Variants in MXD3 observed in about 807,000 individuals in gnomAD.
MXD3 encodes MAX dimerization protein 3.
Under a neutral mutation model 27.5 loss-of-function variants are expected in MXD3, and 20 were observed. That is an observed-to-expected ratio of 0.73 (90% CI 0.51 to 1.06). The LOEUF is 1.06. MXD3 is among the 50% of genes least tolerant of loss of function. The pLI is 0.00. For synonymous variants in MXD3, 150 were observed against 130.7 expected (o/e 1.15, Z -1.01); for missense variants, 298 against 291.3 (o/e 1.02, Z -0.17).
rs145908239 is a variant in MXD3 at position 177,311,821 on chromosome 5, A to C, written c.10T>G (p.Leu4Val). Residue 4 changes from leucine to valine, a missense_variant, in exon 1 of 6, where the codon TTG becomes GTG. Physicochemically the swap from Leu to Val is conservative, Grantham distance 32. Transcript: ENST00000439742. MEP[L>V]ASNIQVLLQA... ...AGCAGGACCTGGATGTTGCTGGCCAAGGGTTCCATGTCGGCGACAGCTGGC... is the reference window on the plus strand; with the variant it reads ...AGCAGGACCTGGATGTTGCTGGCCACGGGTTCCATGTCGGCGACAGCTGGC... 100 of 1,612,104 alleles carry C rather than the reference A, an allele frequency of 6.2e-5. No homozygotes were observed. The African/African-American group carries it at 1.3e-3, about 20-fold the overall frequency.
At chr5:177,306,582 C>T (rs11545838), downstream of MXD3, 1 of 1,606,984 alleles carries the variant, frequency 6.2e-7, no homozygotes, top group East Asian at 2.2e-5. Flanking sequence ...CAGTCTACCA[C>T]CACCACAGCA....
chr5:177,305,732 C>T, downstream of MXD3: 1 of 701,102 alleles, frequency 1.4e-6, no homozygotes. Flanking sequence ...TCTGTCAGTG[C>T]CACTTGGAGG....
At chr5:177,312,013 G>T, upstream of MXD3, 3 of 1,272,118 alleles carry the variant, frequency 2.4e-6, no homozygotes, top group South Asian at 3.2e-5. Context: ...CCACGGAGCC[G>T]CAGCCCACCC....
chr5:177,307,272 T>C lies in MXD3; in HGVS notation c.*316A>G, dbSNP rs966611361. 2 of 1,551,384 alleles carry C rather than the reference T, an allele frequency of 1.3e-6. No homozygotes were observed. The highest frequency in any genetic ancestry group is 2.7e-5 in the African/African-American group (2 of 73,042). ...TATGTGAGGCAAAGGCAGGGGGCCT[T>C]GTCCAGGAAGGGAAGAGGCCCAAGA... On this transcript the variant is annotated 3_prime_UTR_variant, in exon 6 of 6. Transcript: ENST00000439742.
upstream of MXD3, chr5:177,312,534 G>A: frequency 1.0e-6 from 1 of 985,454 alleles, no homozygotes; most frequent in Non-Finnish European, 1.2e-6. Context: ...GCCGGCGGAG[G>A]GGCGGCGGAC....
chr5:177,305,639 AAG>A (rs144303874), downstream of MXD3: 3 of 547,676 alleles, frequency 5.5e-6, no homozygotes, highest in Non-Finnish European at 9.8e-6. Flanking sequence ...TGTTGATCTC[AAG>A]AGAGAGACCT....
chr5:177,306,417 G>C (rs778084573), downstream of MXD3: 15 of 1,613,912 alleles, frequency 9.3e-6, no homozygotes, highest in East Asian at 1.1e-4. Context: ...TGCCGTTCGC[G>C]ACAGGCGAGG....
chr5:177,310,911 G>T, intron 2 of MXD3: 1 of 618,886 alleles, frequency 1.6e-6, no homozygotes, highest in Non-Finnish European at 2.8e-6. Context: ...GCCTGCCCAG[G>T]TGGGTATGAG....
upstream of MXD3, chr5:177,312,232 C>A (rs1183302130): frequency 3.0e-6 from 3 of 987,586 alleles, no homozygotes; most frequent in Non-Finnish European, 3.6e-6. Context: ...GCACGGCGCT[C>A]TGGGGGCCTG....
Position 177,310,967 on chromosome 5 carries a change from G to A in MXD3, c.177-270C>T, listed in dbSNP as rs1039164914. The A allele has an allele frequency of 5.1e-6, 3 of 590,724 alleles. No individual in the cohort carries two copies. In the African/African-American group the frequency reaches 5.7e-5, roughly 11 times the overall value. The allele number at this position is 590,724 out of a possible 1,614,324, so 36.6% of individuals were successfully genotyped here. A position where few individuals can be genotyped will look rare whatever the true frequency, so the allele number is the denominator to read the frequency against. On this transcript the variant is annotated intron_variant, in intron 2 of 5. Transcript: ENST00000439742. ...CCAGCTGGCCAGAAAGGACCTCCCA[G>A]AGGTGACAGCTAACTGCGGAAACAG...
chr5:177,307,869 C>A lies in MXD3; in HGVS notation c.417G>T (p.Gly139=). ...SLQRQLEQLR[G]LAGAAERERL... The stretch of plus-strand genomic sequence containing the variant: ...GCTCCCGCTCGGCCGCCCCTGCCAG[C>A]CCCCGGAGCTGCTCCAGCTGCCGCT... The change falls in exon 5 of 6, where the codon GGG becomes GGT. Residue 139 remains glycine (G), a synonymous_variant. Transcript: ENST00000439742. The A allele has an allele frequency of 6.2e-7, 1 of 1,608,804 alleles. No individual in the cohort carries two copies. Among genetic ancestry groups the A allele is most frequent in the East Asian group, 2.2e-5 (1 of 44,780 alleles).
intron 4 of MXD3, 85 bp from the exon 5 acceptor site, chr5:177,308,049 G>T (rs1191534919): frequency 1.6e-6 from 2 of 1,279,700 alleles, no homozygotes; most frequent in Non-Finnish European, 2.1e-6. Flanking sequence ...ACCGGGCCAC[G>T]GCCACAGGGC....
At chr5:177,311,075 G>A (rs1210921411) in intron 2 of MXD3, 7 of 536,926 alleles carry the variant, frequency 1.3e-5, no homozygotes, top group East Asian at 1.2e-4. Flanking sequence ...GAGGAGAGAA[G>A]AGGAGGAAGC....
downstream of MXD3, chr5:177,305,841 G>A (rs373456901): frequency 2.5e-6 from 4 of 1,587,514 alleles, no homozygotes; most frequent in South Asian, 1.1e-5. Flanking sequence ...ATGAAAGACT[G>A]TTCCACGATT....
rs561486648 is a variant in MXD3, at chr5:177,310,557, T to C, written c.207-17A>G. The stretch of plus-strand genomic sequence containing the variant: ...TGGGCCCTCCTGTGGGGAAGAGGTC[T>C]GGAGGGCAGTGCCAGCCCCACCTTG... On this transcript the variant is annotated splice_polypyrimidine_tract_variant and intron_variant, in intron 3 of 5. Coordinates refer to ENST00000439742, the MANE Select transcript of MXD3 (RefSeq NM_031300.4). The C allele has an allele frequency of 6.2e-7, 1 of 1,611,026 alleles. No homozygotes were observed. The highest frequency in any genetic ancestry group is 8.5e-7 in the Non-Finnish European group (1 of 1,178,432).
chr5:177,309,458 C>T (rs566918154), intron 4 of MXD3, among the ~76,000 whole-genome samples: 41 of 152,324 alleles, frequency 2.7e-4, no homozygotes, highest in Non-Finnish European at 5.3e-4. Flanking sequence ...ATCCGAGAAC[C>T]AGGCCAGGCA....
At position 177,308,062 on chromosome 5, in the gene MXD3, A is replaced by G. The variant is rs1203273176; in HGVS notation, c.322-98T>C. On this transcript the variant is annotated intron_variant, in intron 4 of 5. Transcript: ENST00000439742. ...GTACCGGGCCACGGCCACAGGGCCA[A>G]TGCCCACTCCGGGCAGGTGGCGACT... The G allele has an allele frequency of 2.9e-5, 34 of 1,174,956 alleles. No homozygotes were observed. The East Asian group carries it at 8.3e-4, about 29-fold the overall frequency. 72.8% of individuals were successfully genotyped at this position (1,174,956 alleles called of 1,614,324 possible).
intron 4 of MXD3, 125 bp from the exon 5 acceptor site, chr5:177,308,089 A>C: frequency 3.3e-6 from 3 of 914,336 alleles, no homozygotes; most frequent in Non-Finnish European, 3.2e-6. Context: ...GTGGCGACTA[A>C]ATCCAGGCCC....
In MXD3 at chr5:177,307,715, G is replaced by A; in HGVS notation, c.506-12C>T. Reference sequence around the variant, plus strand: ...CACCTCCAGCTCCTCTGCGCGGGGAGGGGTCCGGTCAGAAGACCTGGCTCG... The same window carrying A: ...CACCTCCAGCTCCTCTGCGCGGGGAAGGGTCCGGTCAGAAGACCTGGCTCG... On this transcript the variant is annotated splice_polypyrimidine_tract_variant and intron_variant, in intron 5 of 5. Coordinates refer to ENST00000439742, the MANE Select transcript of MXD3 (RefSeq NM_031300.4). 1 of 1,613,742 alleles carries A rather than the reference G, an allele frequency of 6.2e-7. No homozygotes were observed.
Sources: allele counts gnomAD v4.1 joint callset (sites outside exome capture counted in the v4.1 genomes callset), GRCh38; gene constraint gnomAD v4.1.1; transcripts MANE v1.5; gene names NCBI Gene and HGNC (gene_info 2026-07-23, HGNC 2026-07-21).